PLCH1: variants seen among roughly 807,000 people sequenced by gnomAD.
PLCH1 encodes phospholipase C eta 1.
Under a neutral mutation model 126.7 loss-of-function variants are expected in PLCH1, and 60 were observed. The observed-to-expected ratio is 0.47, with a 90% confidence interval of 0.38 to 0.59. The LOEUF is 0.59. PLCH1 is among the 20% of genes least tolerant of loss of function. The pLI, the probability that PLCH1 is intolerant of heterozygous loss-of-function variation, is 0.00. For missense variants in PLCH1, 1,723 were observed against 2,040.0 expected, an observed-to-expected ratio of 0.84 and a Z score of 2.99; for synonymous variants, 719 against 734.9, an observed-to-expected ratio of 0.98 and a Z score of 0.35.
chr3:155,572,629 T>C (rs1043009936), intron 6 of PLCH1, among the ~76,000 whole-genome samples: 2 of 152,116 alleles, frequency 1.3e-5, no homozygotes, highest in Non-Finnish European at 2.9e-5. Flanking sequence ...CTCCCTTCTA[T>C]TTTCTCTTAT....
At chr3:155,566,942 C>T (rs1205420445) in intron 7 of PLCH1, among the ~76,000 whole-genome samples, 1 of 152,038 alleles carries the variant, frequency 6.6e-6, no homozygotes, top group East Asian at 1.9e-4. Flanking sequence ...CTTAGGAAAC[C>T]AGGTTTAATT....
intron 19 of PLCH1, among the ~76,000 whole-genome samples, chr3:155,490,245 A>T (rs1715970840): frequency 6.6e-6 from 1 of 152,224 alleles, no homozygotes; most frequent in African/African-American, 2.4e-5. Context: ...ACAAATAAAA[A>T]GACATGAGGC....
In PLCH1 at chr3:155,706,592, C is replaced by T. The variant is rs547037932; in HGVS notation, c.-40-2328G>A. ...CTGAGATCCTGCCACTGCACTCCGG[C>T]CTGGGCGACAAAGACTCCGTCTCAA... On this transcript the variant is annotated intron_variant, in intron 1 of 22. Transcript: ENST00000460012. Among the ~76,000 whole-genome samples, 21 of 149,874 alleles carry T rather than the reference C, an allele frequency of 1.4e-4. No individual in the cohort carries two copies. The East Asian group carries it at 2.9e-3, about 21-fold the overall frequency.
intron 2 of PLCH1, among the ~76,000 whole-genome samples, chr3:155,696,230 G>A (rs1745787038): frequency 6.6e-6 from 1 of 152,146 alleles, no homozygotes; most frequent in Non-Finnish European, 1.5e-5. Context: ...TTGCTGAAAG[G>A]AATGAGCCCT....
At chr3:155,680,889 T>C (rs79530266) in intron 2 of PLCH1, among the ~76,000 whole-genome samples, 4,194 of 152,256 alleles carry the variant, frequency 0.028, 216 homozygotes, top group African/African-American at 0.096. Flanking sequence ...CCATTAACGA[T>C]GTCTGTAAGA....
intron 21 of PLCH1, chr3:155,485,916 C>G (rs1715000613): frequency 1.7e-6 from 1 of 601,270 alleles, no homozygotes; most frequent in East Asian, 2.8e-5. Flanking sequence ...AGGACTTCAG[C>G]CTTCCATTCT....
At chr3:155,485,311 G>A in intron 22 of PLCH1, 45 bp downstream of exon 22, 1 of 1,226,974 alleles carries the variant, frequency 8.2e-7, no homozygotes, top group Non-Finnish European at 1.2e-6. Flanking sequence ...GGACTGACAT[G>A]CAGCCTAGAA....
At chr3:155,483,901 G>C (rs954249144) in intron 22 of PLCH1, among the ~76,000 whole-genome samples, 2 of 152,034 alleles carry the variant, frequency 1.3e-5, no homozygotes, top group African/African-American at 4.8e-5. Context: ...TCAGAGTCAT[G>C]ATATATAAGA....
intron 2 of PLCH1, among the ~76,000 whole-genome samples, chr3:155,643,893 CTTCTT>C (rs1739697330): frequency 6.6e-6 from 1 of 152,224 alleles, no homozygotes; most frequent in South Asian, 2.1e-4. Flanking sequence ...TTTTTCTTCT[CTTCTT>C]TCTTTCTTAG....
chr3:155,726,170 T>C (rs944532006), intron 1 of PLCH1, among the ~76,000 whole-genome samples: 27 of 152,236 alleles, frequency 1.8e-4, no homozygotes, highest in African/African-American at 6.3e-4. Context: ...TGTTTTAACT[T>C]AAACTTTCTT....
chr3:155,604,476 G>A (rs115343414), intron 2 of PLCH1, among the ~76,000 whole-genome samples: 211 of 152,188 alleles, frequency 1.4e-3, no homozygotes, highest in African/African-American at 5.0e-3. Context: ...AATTGTTTGC[G>A]AACGTTGCAT....
At chr3:155,741,981 A>G (rs760353034) in intron 1 of PLCH1, among the ~76,000 whole-genome samples, 7 of 152,194 alleles carry the variant, frequency 4.6e-5, no homozygotes, top group African/African-American at 1.4e-4. Flanking sequence ...CTAGATGTAC[A>G]GCCTTATCTA....
chr3:155,729,074 T>C (rs1256220464), intron 1 of PLCH1, among the ~76,000 whole-genome samples: 2 of 152,240 alleles, frequency 1.3e-5, no homozygotes, highest in African/African-American at 2.4e-5. Context: ...TGGAAATGGA[T>C]TTCAGAATAT....
chr3:155,719,672 T>G (rs541415744), intron 1 of PLCH1, among the ~76,000 whole-genome samples: 1 of 152,128 alleles, frequency 6.6e-6, no homozygotes, highest in African/African-American at 2.4e-5. Context: ...ATATAGCTTG[T>G]AGCACTTTTG....
intron 21 of PLCH1, among the ~76,000 whole-genome samples, chr3:155,452,614 A>G (rs1011576872): frequency 3.9e-5 from 6 of 152,154 alleles, no homozygotes; most frequent in African/African-American, 1.4e-4. Flanking sequence ...CAGATCAAGT[A>G]TGGCTTGATC....
At chr3:155,669,899 A>G (rs1052451705) in intron 2 of PLCH1, among the ~76,000 whole-genome samples, 1 of 152,158 alleles carries the variant, frequency 6.6e-6, no homozygotes, top group Non-Finnish European at 1.5e-5. Flanking sequence ...ATAAAAGTTT[A>G]ATTTCTTTAT....
At chr3:155,569,814 T>G (rs984932375) in intron 6 of PLCH1, among the ~76,000 whole-genome samples, 4 of 152,196 alleles carry the variant, frequency 2.6e-5, no homozygotes, top group African/African-American at 7.2e-5. Context: ...TGGACTCAGG[T>G]AGACTACCAG....
chr3:155,464,495 A>G (rs1035306063), intron 21 of PLCH1, among the ~76,000 whole-genome samples: 1 of 152,210 alleles, frequency 6.6e-6, no homozygotes, highest in African/African-American at 2.4e-5. Context: ...AAAGGAGTCA[A>G]ATGAGAAAAC....
rs187251710 is a variant in PLCH1 at position 155,613,955 on chromosome 3, G to C, written c.80-17577C>G. Among the ~76,000 whole-genome samples, 493 of 152,246 alleles carry C rather than the reference G, an allele frequency of 3.2e-3. 3 individuals carry two copies. Among genetic ancestry groups the C allele is most frequent in the Admixed American group, 5.2e-3 (80 of 15,288 alleles). On this transcript the variant is annotated intron_variant, in intron 2 of 22. Transcript: ENST00000460012. ...GATAAGTTAATTTGGTAAAGTTTCAGAATACAAAATCAATGTACACAAATC... is the reference window on the plus strand; with the variant it reads ...GATAAGTTAATTTGGTAAAGTTTCACAATACAAAATCAATGTACACAAATC...
Sources: gnomAD v4.1 joint callset for allele counts (sites outside exome capture counted in the v4.1 genomes callset) on GRCh38, gnomAD v4.1.1 for gene constraint, MANE v1.5 for transcripts, NCBI Gene and HGNC (gene_info 2026-07-23, HGNC 2026-07-21) for gene names.